GPR160: variants seen among roughly 807,000 people sequenced by gnomAD.
GPR160 encodes the protein probable G protein-coupled receptor 160.
Under a neutral mutation model 2.6 loss-of-function variants are expected in GPR160, and 2 were observed. The observed-to-expected ratio is 0.77, with a 90% confidence interval of 0.32 to 2.44. The LOEUF (loss-of-function observed/expected upper bound fraction) is 2.44. GPR160 is among the 30% of genes most tolerant of loss of function. The pLI is 0.11. For missense variants in GPR160, 351 were observed against 383.6 expected, an observed-to-expected ratio of 0.91 and a Z score of 0.71; for synonymous variants, 130 against 132.2, an observed-to-expected ratio of 0.98 and a Z score of 0.12.
chr3:170,040,848 T>C (rs1716414832), intron 2 of GPR160, among the ~76,000 whole-genome samples: 1 of 152,246 alleles, frequency 6.6e-6, no homozygotes, highest in African/African-American at 2.4e-5. Flanking sequence ...TTATCTTGTT[T>C]GCTTCAGCGA....
chr3:170,042,165 G>A (rs1716479291), intron 2 of GPR160, among the ~76,000 whole-genome samples: 2 of 152,034 alleles, frequency 1.3e-5, no homozygotes, highest in Non-Finnish European at 2.9e-5. Context: ...GGTGATAGAG[G>A]GCAATTTTGG....
chr3:170,084,664 G>C lies in GPR160; in HGVS notation c.692G>C (p.Ser231Thr). 2 of 1,609,510 alleles carry C rather than the reference G, an allele frequency of 1.2e-6. No individual in the cohort carries two copies. The highest frequency in any genetic ancestry group is 2.2e-5 in the South Asian group (2 of 90,958). Residue 231 changes from serine (S) to threonine (T), a missense_variant, in exon 4 of 4, where the codon AGT becomes ACT. Physicochemically the swap from Ser to Thr is moderately conservative, Grantham distance 58 (BLOSUM62 1). Transcript: ENST00000355897. ...ILYFPFSSHS[S>T]YTVRSKKIFL... ...TATTTTCCTTTTTCATCCCACTCCA[G>C]TTATACTGTGAGATCTAAAAAAATA...
At chr3:170,076,259 ATAAG>A (rs1292321432) in intron 2 of GPR160, among the ~76,000 whole-genome samples, 1 of 152,300 alleles carries the variant, frequency 6.6e-6, no homozygotes, top group East Asian at 1.9e-4. Flanking sequence ...ATTTTTAAAA[ATAAG>A]TAAAATAAAA....
chr3:170,054,839 G>A (rs1332392325), intron 2 of GPR160, among the ~76,000 whole-genome samples: 1 of 151,546 alleles, frequency 6.6e-6, no homozygotes, highest in African/African-American at 2.4e-5. Context: ...TGTCACCCGG[G>A]GTGGAATGCA....
At chr3:170,061,358 T>C (rs1369609301) in intron 2 of GPR160, among the ~76,000 whole-genome samples, 1 of 151,570 alleles carries the variant, frequency 6.6e-6, no homozygotes, top group Non-Finnish European at 1.5e-5. Flanking sequence ...ATGACAAATA[T>C]GTGATCCTTG....
chr3:170,085,251 TAA>T lies in GPR160; in HGVS notation c.*263_*264del, dbSNP rs1380250323. The T allele has an allele frequency of 8.3e-6, 2 of 241,964 alleles. No homozygotes were observed. Among genetic ancestry groups the T allele is most frequent in the African/African-American group, 2.3e-5 (1 of 44,378 alleles). The allele number at this position is 241,964 out of a possible 1,614,324, so 15.0% of individuals were successfully genotyped here. On this transcript the variant is annotated 3_prime_UTR_variant, in exon 4 of 4. Coordinates refer to ENST00000355897, the MANE Select transcript of GPR160 (RefSeq NM_014373.3). ...ACTTTGTTATTAACACAAAAAGTGA[TAA>T]GAGTTAACATTTGGCTATACTGATG... is the stretch of plus-strand genomic sequence containing the variant.
chr3:170,053,836 C>T (rs1351391100), intron 2 of GPR160, among the ~76,000 whole-genome samples: 1 of 152,148 alleles, frequency 6.6e-6, no homozygotes, highest in Non-Finnish European at 1.5e-5. Context: ...TTCTGCATCT[C>T]TCAAGATGGT....
intron 2 of GPR160, 68 bp downstream of exon 2, chr3:170,039,111 G>A (rs1228619501): frequency 1.3e-5 from 2 of 152,002 alleles, no homozygotes; most frequent in African/African-American, 4.8e-5. Context: ...AGACATGAAC[G>A]AGTGTTTAGC....
intron 2 of GPR160, among the ~76,000 whole-genome samples, chr3:170,059,013 A>G (rs1711790316): frequency 7.2e-6 from 1 of 138,902 alleles, no homozygotes; most frequent in African/African-American, 2.7e-5. Flanking sequence ...CCACACATGT[A>G]CACACACACA....
At chr3:170,064,383 G>C (rs1712179737) in intron 2 of GPR160, among the ~76,000 whole-genome samples, 1 of 152,100 alleles carries the variant, frequency 6.6e-6, no homozygotes, top group Non-Finnish European at 1.5e-5. Flanking sequence ...AAGGCGCCCA[G>C]GTGTGCGGGC....
intron 2 of GPR160, among the ~76,000 whole-genome samples, chr3:170,064,415 C>T (rs1019394646): frequency 1.3e-4 from 20 of 151,950 alleles, no homozygotes; most frequent in African/African-American, 4.8e-4. Flanking sequence ...CCCCGGGAAT[C>T]TAAGATAGGC....
Position 170,084,366 on chromosome 3 carries a change from T to C in GPR160, c.394T>C (p.Phe132Leu), listed in dbSNP as rs1477637227. 2 of 1,609,248 alleles carry C rather than the reference T, an allele frequency of 1.2e-6. No homozygotes were observed. The highest frequency in any genetic ancestry group is 1.7e-5 in the Admixed American group (1 of 59,708). ...LNFSKTTKLS[F>L]KCQKLFYFFT... ...TTTCTCTAAAACAACCAAGCTTTCATTTAAGTGTCAAAAATTATTTTATTT... is the reference window on the plus strand; with the variant it reads ...TTTCTCTAAAACAACCAAGCTTTCACTTAAGTGTCAAAAATTATTTTATTT... The change falls in exon 4 of 4, where the codon TTT becomes CTT. Residue 132 changes from phenylalanine (F) to leucine (L), a missense_variant. Transcript: ENST00000355897.
In GPR160 at chr3:170,084,901, C is replaced by T. The variant is rs1282874467; in HGVS notation, c.929C>T (p.Pro310Leu). The change falls in exon 4 of 4, where the codon CCA becomes CTA. Residue 310 changes from proline (P) to leucine (L), a missense_variant. Pro to Leu is a moderately conservative substitution (Grantham distance 98). Transcript: ENST00000355897. ...AAAGACATTGGATTACCTTTGGATCCATTTGTCAACTGGAAGTGCTGCTTC... is the reference window on the plus strand; with the variant it reads ...AAAGACATTGGATTACCTTTGGATCTATTTGTCAACTGGAAGTGCTGCTTC... ...NLKDIGLPLD[P>L]FVNWKCCFIP... is the part of the protein sequence containing the mutation. The T allele has an allele frequency of 6.2e-7, 1 of 1,606,086 alleles. No individual in the cohort carries two copies.
At chr3:170,081,674 G>C (rs1490309068) in intron 3 of GPR160, among the ~76,000 whole-genome samples, 1 of 152,006 alleles carries the variant, frequency 6.6e-6, no homozygotes, top group African/African-American at 2.4e-5. Flanking sequence ...TGTCACCCAG[G>C]TACTAAGTCT....
intron 3 of GPR160, among the ~76,000 whole-genome samples, chr3:170,082,387 A>C (rs1713177599): frequency 6.6e-6 from 1 of 152,216 alleles, no homozygotes; most frequent in South Asian, 2.1e-4. Flanking sequence ...TAATGGCTGC[A>C]TATCATAAAG....
chr3:170,058,763 A>G (rs746877137), intron 2 of GPR160, among the ~76,000 whole-genome samples: 15 of 152,224 alleles, frequency 9.9e-5, no homozygotes, highest in Non-Finnish European at 1.0e-4. Context: ...GTTCATCGCT[A>G]CATTATTTGC....
intron 2 of GPR160, among the ~76,000 whole-genome samples, chr3:170,054,199 TA>T (rs35046468): frequency 0.046 from 6,598 of 144,700 alleles, 164 homozygotes; most frequent in Non-Finnish European, 0.06. Flanking sequence ...GTCTCATGCT[TA>T]AAAAAAAAAA....
At chr3:170,080,963 T>C (rs2241293) in intron 3 of GPR160, among the ~76,000 whole-genome samples, 48,057 of 152,118 alleles carry the variant, frequency 0.32, 7,635 homozygotes, top group East Asian at 0.49. Context: ...GGCCTCCCAA[T>C]GTGCTAGGAT....
Position 170,064,514 on chromosome 3 carries a change from C to CTTTTCT in GPR160, c.-192-15256_-192-15255insCTTTTT, listed in dbSNP as rs1273500686. On this transcript the variant is annotated intron_variant, in intron 2 of 3. Transcript: ENST00000355897. The stretch of plus-strand genomic sequence containing the variant: ...GGGACCCATTCTTTTCTTTTCTTTT[C>CTTTTCT]TTTTTTTTTTTTTTTTTTTTTTGAG... 5.9e-4 allele frequency among the ~76,000 whole-genome samples: 48 copies of CTTTTCT among 81,044 alleles called. No individual in the cohort carries two copies. The East Asian group carries it at 0.01, about 18-fold the overall frequency. The allele number at this position is 81,044 out of a possible 152,430, so 53.2% of individuals were successfully genotyped here. A position where few individuals can be genotyped will look rare whatever the true frequency, so the allele number is the denominator to read the frequency against.
Sources: allele counts gnomAD v4.1 joint callset (sites outside exome capture counted in the v4.1 genomes callset), GRCh38; gene constraint gnomAD v4.1.1; transcripts MANE v1.5; gene names NCBI Gene and HGNC (gene_info 2026-07-23, HGNC 2026-07-21).